The following PRUNE2 variants were observed in gnomAD, a reference collection of about 807,000 sequenced individuals.
PRUNE2 encodes prune homolog 2 with BCH domain.
Under a neutral mutation model 252.0 loss-of-function variants are expected in PRUNE2, and 164 were observed. The observed-to-expected ratio is 0.65, with a 90% CI of 0.57 to 0.74. The LOEUF is 0.74. Ranked by LOEUF, PRUNE2 falls within the 30% of genes least tolerant of loss-of-function variation. The pLI is 0.00. For missense variants in PRUNE2, 3,495 were observed against 3,711.0 expected (o/e 0.94, Z 1.51); for synonymous variants, 1,292 against 1,350.2 (o/e 0.96, Z 0.94).
chr9:76,769,058 T>G (rs2052783711), intron 6 of PRUNE2, among the ~76,000 whole-genome samples: 2 of 152,300 alleles, frequency 1.3e-5, no homozygotes, highest in Non-Finnish European at 2.9e-5. Flanking sequence ...ATTATGGTAC[T>G]CATATGCAGA....
In PRUNE2 at chr9:76,705,547, T is replaced by C. The variant is rs2046250984; in HGVS notation, c.6727A>G (p.Thr2243Ala). 1 of 1,613,860 alleles carries C rather than the reference T, an allele frequency of 6.2e-7. No individual in the cohort carries two copies. The highest frequency in any genetic ancestry group is 1.3e-5 in the African/African-American group (1 of 74,922). The change falls in exon 8 of 19, where the codon ACT (threonine) becomes GCT (alanine). Residue 2243 changes from threonine to alanine, a missense_variant. Thr to Ala is a moderately conservative substitution (Grantham distance 58). Transcript: ENST00000376718. ...TSIFVTHQEP[T>A]PEGDGSWISD... ...ATCCAAGAACCGTCACCTTCTGGAG[T>C]TGGCTCTTGGTGAGTTACAAAAATG... is the stretch of plus-strand genomic sequence containing the variant.
intron 12 of PRUNE2, 38 bp downstream of exon 12, chr9:76,644,701 C>T (rs777445047): frequency 1.9e-6 from 3 of 1,597,336 alleles, no homozygotes; most frequent in East Asian, 4.5e-5. Flanking sequence ...AATGGCTGCC[C>T]CTTCCCCATT....
intron 9 of PRUNE2, among the ~76,000 whole-genome samples, chr9:76,666,238 A>T (rs1459757756): frequency 2.0e-5 from 3 of 152,124 alleles, no homozygotes; most frequent in African/African-American, 7.2e-5. Context: ...CCAAGGGAAA[A>T]CACCCGCTAC....
chr9:76,838,031 A>G (rs541546221), intron 4 of PRUNE2, among the ~76,000 whole-genome samples: 8 of 152,176 alleles, frequency 5.3e-5, no homozygotes, highest in Admixed American at 3.9e-4. Flanking sequence ...TCAGCCTCCC[A>G]AAATGCTGGG....
chr9:76,673,449 A>C (rs1401558547), intron 9 of PRUNE2, among the ~76,000 whole-genome samples: 13 of 122,908 alleles, frequency 1.1e-4, no homozygotes, highest in African/African-American at 4.1e-4. Flanking sequence ...GACCAGATGG[A>C]TTCACAGCCG....
chr9:76,628,932 C>T (rs1203551893), intron 16 of PRUNE2, among the ~76,000 whole-genome samples: 1 of 151,852 alleles, frequency 6.6e-6, no homozygotes, highest in Admixed American at 6.6e-5. Context: ...GCAGCCTTGA[C>T]TTCCCAGGAT....
intron 12 of PRUNE2, among the ~76,000 whole-genome samples, chr9:76,640,248 A>G (rs932996643): frequency 1.4e-4 from 22 of 152,182 alleles, no homozygotes; most frequent in Non-Finnish European, 2.9e-5. Context: ...CAGTAAAGTA[A>G]TGGCTGTGTA....
chr9:76,896,719 A>T (rs1171425210), intron 1 of PRUNE2, among the ~76,000 whole-genome samples: 2 of 152,104 alleles, frequency 1.3e-5, no homozygotes. Context: ...ACTTGACACA[A>T]CCGAGAGCTG....
At chr9:76,852,825 T>TATC (rs1307183214) in intron 2 of PRUNE2, among the ~76,000 whole-genome samples, 3 of 147,680 alleles carry the variant, frequency 2.0e-5, no homozygotes, top group Non-Finnish European at 3.0e-5. Flanking sequence ...TCTATCTATC[T>TATC]ATCTATCTAT....
At chr9:76,616,248 C>T (rs1442535492) in intron 18 of PRUNE2, among the ~76,000 whole-genome samples, 1 of 152,074 alleles carries the variant, frequency 6.6e-6, no homozygotes, top group African/African-American at 2.4e-5. Flanking sequence ...ACTGTGACCC[C>T]GACATCTTTT....
rs138104427 is a variant in PRUNE2 at position 76,644,360 on chromosome 9, C to T, written c.8728+379G>A. The stretch of plus-strand genomic sequence containing the variant: ...GGCCATTTTGTAATGAGAAGCACCT[C>T]GGGGGTAGTGTTATGACACAGGCCA... On this transcript the variant is annotated intron_variant, in intron 12 of 18. Transcript: ENST00000376718. The T allele has an allele frequency of 2.8e-4, 67 of 237,750 alleles. 1 individual carries two copies. Among genetic ancestry groups the T allele is most frequent in the African/African-American group, 1.4e-3 (61 of 43,724 alleles). The allele number at this position is 237,750 out of a possible 1,614,324, so 14.7% of individuals were successfully genotyped here. A position where few individuals can be genotyped will look rare whatever the true frequency, so the allele number is the denominator to read the frequency against.
At chr9:76,885,811 A>G (rs2062054055) in intron 1 of PRUNE2, among the ~76,000 whole-genome samples, 1 of 151,726 alleles carries the variant, frequency 6.6e-6, no homozygotes. Context: ...AGTACCTACC[A>G]AATAGGGCTT....
intron 1 of PRUNE2, among the ~76,000 whole-genome samples, chr9:76,877,283 T>G (rs7041805): frequency 6.6e-6 from 1 of 151,606 alleles, no homozygotes; most frequent in Non-Finnish European, 1.5e-5. Context: ...GACAGACAGA[T>G]TGTCTAAGCT....
rs1564465950 is a variant in PRUNE2 at position 76,865,840 on chromosome 9, CA to C, written c.37-11633del. 8.1e-3 allele frequency among the ~76,000 whole-genome samples: 1,226 copies of C among 151,684 alleles called. 16 individuals carry two copies. Among genetic ancestry groups the C allele is most frequent in the African/African-American group, 0.028 (1,159 of 41,258 alleles). On this transcript the variant is annotated intron_variant, in intron 1 of 18. Coordinates refer to ENST00000376718, the MANE Select transcript of PRUNE2 (RefSeq NM_015225.3). Reference sequence around the variant, plus strand: ...ACACACACACACACACACACACACACACACACACCAGAGCATTATGACATGT... The same window carrying C: ...ACACACACACACACACACACACACACCACACACCAGAGCATTATGACATGT...
chr9:76,689,164 T>A (rs886379173), intron 9 of PRUNE2, among the ~76,000 whole-genome samples: 4 of 152,230 alleles, frequency 2.6e-5, no homozygotes, highest in Admixed American at 2.6e-4. Flanking sequence ...TACCTTTGTA[T>A]CATATGCATT....
intron 1 of PRUNE2, among the ~76,000 whole-genome samples, chr9:76,876,399 C>T (rs1011805657): frequency 1.3e-5 from 2 of 152,112 alleles, no homozygotes; most frequent in African/African-American, 2.4e-5. Context: ...CAATACTGAC[C>T]CTTTTTGGGG....
intron 6 of PRUNE2, among the ~76,000 whole-genome samples, chr9:76,794,766 C>A (rs1359095793): frequency 1.3e-5 from 2 of 152,162 alleles, no homozygotes; most frequent in Non-Finnish European, 2.9e-5. Context: ...AGGCCTCAGT[C>A]ATCTGCTATA....
rs779132627 is a variant in PRUNE2 at position 76,708,068 on chromosome 9, C to G, written c.4206G>C (p.Glu1402Asp). 4.6e-5 allele frequency: 74 copies of G among 1,613,884 alleles called. No individual in the cohort carries two copies. The highest frequency in any genetic ancestry group is 1.6e-5 in the Non-Finnish European group (19 of 1,179,906). ...PQTEEPEEVL[E>D]YEEGSYNLDS... ...CTAGATTGTAAGACCCCTCCTCATA[C>G]TCTAAAACTTCCTCTGGTTCCTCGG... Residue 1402 changes from glutamate (E) to aspartate (D), a missense_variant, in exon 8 of 19, where the codon GAG becomes GAC. Physicochemically the swap from Glu to Asp is conservative, Grantham distance 45 (BLOSUM62 2). Coordinates refer to ENST00000376718, the MANE Select transcript of PRUNE2 (RefSeq NM_015225.3).
intron 5 of PRUNE2, 66 bp from the exon 6 acceptor site, chr9:76,823,792 C>A: frequency 1.1e-6 from 1 of 947,322 alleles, no homozygotes; most frequent in South Asian, 1.4e-5. Flanking sequence ...TAATATCAAG[C>A]GATGTTTTGA....
Sources: gnomAD v4.1 joint callset for allele counts (sites outside exome capture counted in the v4.1 genomes callset) on GRCh38, gnomAD v4.1.1 for gene constraint, MANE v1.5 for transcripts, NCBI Gene and HGNC (gene_info 2026-07-23, HGNC 2026-07-21) for gene names.